The following GNAO1 variants were observed in gnomAD, a reference collection of about 807,000 sequenced individuals.
GNAO1 encodes G protein subunit alpha o1, also known as guanine nucleotide-binding protein G(o) subunit alpha.
For missense variants in GNAO1, 166 were observed against 478.7 expected (o/e 0.35, Z 6.10); for synonymous variants, 164 against 180.7 (o/e 0.91, Z 0.74).
chr16:56,300,034 T>C (rs944669642), intron 3 of GNAO1, among the ~76,000 whole-genome samples: 52 of 95,144 alleles, frequency 5.5e-4, no homozygotes, highest in African/African-American at 2.3e-3. Context: ...TGTGTGTGTG[T>C]GTGCGCGCGC....
At chr16:56,224,877 C>G (rs1214740057) in intron 2 of GNAO1, among the ~76,000 whole-genome samples, 1 of 152,240 alleles carries the variant, frequency 6.6e-6, no homozygotes, top group Non-Finnish European at 1.5e-5. Flanking sequence ...CTTATAAGGT[C>G]TCAAACAATC....
intron 3 of GNAO1, chr16:56,301,718 C>A (rs1187189711): frequency 1.3e-5 from 2 of 152,114 alleles, no homozygotes; most frequent in African/African-American, 4.8e-5. Flanking sequence ...CACAGCTAAA[C>A]CATTCTGCCC....
intron 2 of GNAO1, among the ~76,000 whole-genome samples, chr16:56,261,508 A>G (rs17280532): frequency 0.012 from 1,768 of 152,338 alleles, 18 homozygotes; most frequent in Middle Eastern, 0.02. Context: ...TCTTCATTTA[A>G]AAAGAACAGG....
intron 6 of GNAO1, chr16:56,347,438 C>T (rs2037881167): frequency 1.0e-6 from 1 of 985,640 alleles, no homozygotes; most frequent in Non-Finnish European, 1.2e-6. Flanking sequence ...TAGGGCTCCC[C>T]ATCTCCCACC....
At position 56,327,557 on chromosome 16, in the gene GNAO1, G is replaced by A. The variant is rs942736599; in HGVS notation, c.304-1074G>A. ...GTACTACTCCCGTGTGCAAGGTGGC[G>A]GTGACGGTGCAGTCCTGGGATGTCT... is the stretch of plus-strand genomic sequence containing the variant. On this transcript the variant is annotated intron_variant, in intron 3 of 8. Coordinates refer to ENST00000262493, the MANE Select transcript of GNAO1 (RefSeq NM_020988.3). Among the ~76,000 whole-genome samples the A allele has an allele frequency of 2.5e-4, 38 of 152,238 alleles. 1 individual carries two copies. The highest frequency in any genetic ancestry group is 1.5e-3 in the South Asian group (7 of 4,820).
At chr16:56,208,670 A>C (rs1423889635) in intron 2 of GNAO1, among the ~76,000 whole-genome samples, 1 of 152,206 alleles carries the variant, frequency 6.6e-6, no homozygotes, top group Non-Finnish European at 1.5e-5. Flanking sequence ...AATTTTACCA[A>C]ACCAATAGGC....
At chr16:56,347,663 T>G (rs1303409335) in intron 6 of GNAO1, 1 of 985,732 alleles carries the variant, frequency 1.0e-6, no homozygotes, top group Admixed American at 6.1e-5. Context: ...CCAGGCCCAG[T>G]GCACAAGACC....
chr16:56,346,223 G>A (rs1429239739), intron 6 of GNAO1: 24 of 985,316 alleles, frequency 2.4e-5, no homozygotes, highest in Admixed American at 1.8e-4. Flanking sequence ...CATCCATGTC[G>A]TAACCAGCGG....
In GNAO1 at chr16:56,351,269, G is replaced by T; in HGVS notation, c.724-115G>T. ...GGTTCCATCTGGCAGCCTCTCGGAG[G>T]AGCTGCCGAGTAGCCCAGTCCCTCT... is the stretch of plus-strand genomic sequence containing the variant. On this transcript the variant is annotated intron_variant, in intron 6 of 8. Transcript: ENST00000262493. This position sits in a 1 kb window ranked among gnomAD's most constrained non-coding sequence, Gnocchi z 6.1. 1.5e-6 allele frequency: 1 copy of T among 673,134 alleles called. No homozygotes were observed. Among genetic ancestry groups the T allele is most frequent in the Admixed American group, 2.5e-5 (1 of 39,654 alleles). The allele number at this position is 673,134 out of a possible 1,614,324, so 41.7% of individuals were successfully genotyped here. A position where few individuals can be genotyped will look rare whatever the true frequency, so the allele number is the denominator to read the frequency against.
chr16:56,300,863 C>T (rs2037337583), intron 3 of GNAO1: 1 of 152,320 alleles, frequency 6.6e-6, no homozygotes, highest in African/African-American at 2.4e-5. Flanking sequence ...AGTTGAACCA[C>T]CAATGTGTGG....
At chr16:56,227,687 C>CAAAAAA (rs386384777) in intron 2 of GNAO1, among the ~76,000 whole-genome samples, 3 of 61,944 alleles carry the variant, frequency 4.8e-5, no homozygotes, top group Non-Finnish European at 8.8e-5. Context: ...GACCCTGTCT[C>CAAAAAA]AAAAAAAAAA....
chr16:56,265,010 C>T (rs778896602), intron 2 of GNAO1, among the ~76,000 whole-genome samples: 2 of 152,136 alleles, frequency 1.3e-5, no homozygotes, highest in African/African-American at 4.8e-5. Flanking sequence ...GTTATTCATC[C>T]TCACTTTGTA....
rs2036548146 is a variant in GNAO1, at chr16:56,227,961, C to CTGCGTAAATGGCTGTG, written c.161+35347_161+35362dup. Among the ~76,000 whole-genome samples the CTGCGTAAATGGCTGTG allele has an allele frequency of 2.6e-5, 4 of 152,158 alleles. No homozygotes were observed. The South Asian group carries it at 8.3e-4, about 32-fold the overall frequency. The stretch of plus-strand genomic sequence containing the variant: ...CAGGTAGTCTGAGAGGAGCACACAA[C>CTGCGTAAATGGCTGTG]TGCGTAAATGGCTGTGTCTGCCTGG... On this transcript the variant is annotated intron_variant, in intron 2 of 8. Transcript: ENST00000262493.
intron 3 of GNAO1, among the ~76,000 whole-genome samples, chr16:56,305,732 TCA>T (rs1349738379): frequency 6.6e-6 from 1 of 152,132 alleles, no homozygotes; most frequent in Non-Finnish European, 1.5e-5. Context: ...CAAAGCATAA[TCA>T]CAGTTCTGAA....
rs921359371 is a variant in GNAO1 at position 56,265,980 on chromosome 16, T to A, written c.162-9951T>A. 1.6e-4 allele frequency among the ~76,000 whole-genome samples: 25 copies of A among 152,064 alleles called. 1 individual carries two copies. Among genetic ancestry groups the A allele is most frequent in the Admixed American group, 6.5e-5 (1 of 15,272 alleles). On this transcript the variant is annotated intron_variant, in intron 2 of 8. Transcript: ENST00000262493. ...GCCCCGGGGCCTTTGCTCTTGCTGC[T>A]CCCTCTGCCTGTTGCGTTCTTCCTC...
chr16:56,293,496 C>T (rs1292189684), intron 3 of GNAO1, among the ~76,000 whole-genome samples: 2 of 152,184 alleles, frequency 1.3e-5, no homozygotes, highest in Non-Finnish European at 2.9e-5. Context: ...ATCTCTGGAA[C>T]ATGAGTCCCA....
intron 2 of GNAO1, among the ~76,000 whole-genome samples, chr16:56,254,717 A>G (rs2036830120): frequency 1.3e-5 from 2 of 151,870 alleles, no homozygotes; most frequent in Non-Finnish European, 2.9e-5. Flanking sequence ...TATGTTTATA[A>G]TTTCTTTCTG....
At chr16:56,201,711 T>G (rs1567436055) in intron 2 of GNAO1, among the ~76,000 whole-genome samples, 1 of 152,232 alleles carries the variant, frequency 6.6e-6, no homozygotes. Flanking sequence ...GTTGATCAGT[T>G]GGAAGAGCAT....
Position 56,345,584 on chromosome 16 carries a change from G to T in GNAO1, c.724-5800G>T. The T allele has an allele frequency of 3.0e-6, 3 of 985,362 alleles. No homozygotes were observed. The South Asian group carries it at 1.4e-4, about 46-fold the overall frequency. The allele number at this position is 985,362 out of a possible 1,614,324, so 61.0% of individuals were successfully genotyped here. A position where few individuals can be genotyped will look rare whatever the true frequency, so the allele number is the denominator to read the frequency against. On this transcript the variant is annotated intron_variant, in intron 6 of 8. Transcript: ENST00000262493. ...GGTGCCTGGGGAGCCTCTGGCAGCC[G>T]GACTGCAGGAGCCACCCCATCAGCC...
Sources: allele counts gnomAD v4.1 joint callset (sites outside exome capture counted in the v4.1 genomes callset), GRCh38; gene constraint gnomAD v4.1.1; non-coding constraint Gnocchi (gnomAD v3.1); transcripts MANE v1.5; gene names NCBI Gene and HGNC (gene_info 2026-07-23, HGNC 2026-07-21).